The following NECAB2 variants were observed in gnomAD, a reference collection of about 807,000 sequenced individuals.
NECAB2 encodes the protein N-terminal EF-hand calcium binding protein 2.
NECAB2 carries 68 observed loss-of-function variants against 51.9 expected under a neutral mutation model. The ratio of observed to expected loss-of-function variants is 1.31; its 90% CI spans 1.08 to 1.60. NECAB2 has a LOEUF of 1.60. NECAB2 is among the 40% of genes most tolerant of loss of function. NECAB2 has a pLI of 0.00. For synonymous variants in NECAB2, 329 were observed against 203.5 expected, an observed-to-expected ratio of 1.62 and a Z score of -5.25; for missense variants, 854 against 490.3, an observed-to-expected ratio of 1.74 and a Z score of -7.00.
chr16:83,970,984 C>T (rs2084341127), intron 1 of NECAB2, among the ~76,000 whole-genome samples: 1 of 152,060 alleles, frequency 6.6e-6, no homozygotes, highest in African/African-American at 2.4e-5. Context: ...GTCCCAGCTA[C>T]TCGGAAGGCT....
chr16:83,991,523 C>T lies in NECAB2; in HGVS notation c.596+893C>T, dbSNP rs567609049. Among the ~76,000 whole-genome samples, 16 of 151,314 alleles carry T rather than the reference C, an allele frequency of 1.1e-4. No individual in the cohort carries two copies. In the South Asian group the frequency reaches 3.3e-3, roughly 32 times the overall value. On this transcript the variant is annotated intron_variant, in intron 6 of 12. Coordinates refer to ENST00000305202, the MANE Select transcript of NECAB2 (RefSeq NM_019065.3). The stretch of plus-strand genomic sequence containing the variant: ...CTGGGATTACAGATGCCCACCAGCA[C>T]ACCCAGCTAATTTTTGTATTTTTAG...
chr16:83,983,062 T>C (rs1161998800), intron 5 of NECAB2, among the ~76,000 whole-genome samples: 1 of 152,010 alleles, frequency 6.6e-6, no homozygotes, highest in Non-Finnish European at 1.5e-5. Context: ...AGAGACGGGG[T>C]TTCACCATGT....
intron 11 of NECAB2, 117 bp from the exon 12 acceptor site, chr16:84,001,708 A>G (rs925304208): frequency 9.4e-7 from 1 of 1,059,934 alleles, no homozygotes; most frequent in Non-Finnish European, 1.4e-6. Flanking sequence ...GAGTCCAAAG[A>G]CCCCCCGTGC....
chr16:83,998,988 C>G (rs911413053), intron 10 of NECAB2, among the ~76,000 whole-genome samples: 2 of 152,172 alleles, frequency 1.3e-5, no homozygotes, highest in Admixed American at 6.5e-5. Context: ...CCCCCCGTTT[C>G]TGCAGCAAGG....
chr16:84,000,711 T>C lies in NECAB2; in HGVS notation c.963-13T>C, dbSNP rs769975824. The stretch of plus-strand genomic sequence containing the variant: ...AGCTCCAGCCTCCTCCCCCCGACCA[T>C]CTCCTGTTGCAGCATCACTGCCGTG... On this transcript the variant is annotated splice_polypyrimidine_tract_variant and intron_variant, in intron 10 of 12. Transcript: ENST00000305202. 1 of 1,613,506 alleles carries C rather than the reference T, an allele frequency of 6.2e-7. No individual in the cohort carries two copies. The highest frequency in any genetic ancestry group is 1.1e-5 in the South Asian group (1 of 91,064).
At chr16:83,981,389 G>A (rs2084487383) in intron 5 of NECAB2, among the ~76,000 whole-genome samples, 1 of 146,352 alleles carries the variant, frequency 6.8e-6, no homozygotes, top group African/African-American at 2.6e-5. Context: ...AAGGGTGGCC[G>A]CAATCACCCT....
In NECAB2 at chr16:83,994,756, A is replaced by C. The variant is rs937164380; in HGVS notation, c.795+68A>C. 6.4e-6 allele frequency: 10 copies of C among 1,557,990 alleles called. 1 individual carries two copies. The Admixed American group carries it at 1.6e-4, about 25-fold the overall frequency. On this transcript the variant is annotated intron_variant, in intron 8 of 12. Transcript: ENST00000305202. The stretch of plus-strand genomic sequence containing the variant: ...TGAGGGAGTGCAGAGTTAAGCCTGG[A>C]GTTCAGGACAAAAGTCTGGGCTGCA...
Position 83,980,820 on chromosome 16 carries a change from C to CCTCTGT in NECAB2, c.336-16_336-11dup. ...CCCTCTCTGTCTCTGTCTGTCTCTG[C>CCTCTGT]CTCTGTCTGTCTCTGCAGCCATGTG... is the stretch of plus-strand genomic sequence containing the variant. On this transcript the variant is annotated intron_variant, in intron 3 of 12. Transcript: ENST00000305202. 6.4e-7 allele frequency: 1 copy of CCTCTGT among 1,569,354 alleles called. No individual in the cohort carries two copies. The highest frequency in any genetic ancestry group is 8.6e-7 in the Non-Finnish European group (1 of 1,156,654).
At position 83,969,944 on chromosome 16, in the gene NECAB2, G is replaced by A. The variant is rs114005167; in HGVS notation, c.201+1095G>A. On this transcript the variant is annotated intron_variant, in intron 1 of 12. Coordinates refer to ENST00000305202, the MANE Select transcript of NECAB2 (RefSeq NM_019065.3). Reference sequence around the variant, plus strand: ...GGCCGGGGTCTGGGCTGGGAGGGCCGGCCAGAGCAGGGGGAGCTCTAGAGT... The same window carrying A: ...GGCCGGGGTCTGGGCTGGGAGGGCCAGCCAGAGCAGGGGGAGCTCTAGAGT... 2.8e-3 allele frequency among the ~76,000 whole-genome samples: 419 copies of A among 152,288 alleles called. 1 individual carries two copies. The highest frequency in any genetic ancestry group is 9.7e-3 in the African/African-American group (405 of 41,554).
upstream of NECAB2, chr16:83,965,222 A>G (rs999798112): frequency 1.2e-6 from 2 of 1,612,826 alleles, no homozygotes; most frequent in Admixed American, 3.3e-5. Flanking sequence ...CCAGGACTCC[A>G]GCCCCCTCTT....
intron 5 of NECAB2, among the ~76,000 whole-genome samples, 159 bp downstream of exon 5, chr16:83,981,286 G>A (rs965918017): frequency 2.0e-5 from 3 of 152,128 alleles, no homozygotes; most frequent in Admixed American, 2.0e-4. Flanking sequence ...GAGATGAACT[G>A]GGAAGGGAAT....
chr16:83,966,256 G>T (rs2084279076), upstream of NECAB2: 3 of 526,800 alleles, frequency 5.7e-6, no homozygotes, highest in Non-Finnish European at 6.6e-6. Context: ...GGTGTGACCA[G>T]CTGAGCACCC....
intron 5 of NECAB2, among the ~76,000 whole-genome samples, chr16:83,988,330 C>G (rs78147818): frequency 6.6e-6 from 1 of 152,038 alleles, no homozygotes. Context: ...TTGGAATGTA[C>G]AATTCCTAGT....
At chr16:83,969,118 G>A (rs1318409123) in intron 1 of NECAB2, among the ~76,000 whole-genome samples, 1 of 151,524 alleles carries the variant, frequency 6.6e-6, no homozygotes, top group African/African-American at 2.4e-5. Context: ...CCACAGTGGG[G>A]AGCCGTGAGC....
intron 1 of NECAB2, 68 bp downstream of exon 1, chr16:83,968,917 G>A: frequency 1.0e-6 from 1 of 988,646 alleles, no homozygotes; most frequent in Non-Finnish European, 1.2e-6. Context: ...TCCGCCCCTC[G>A]GGCGGACCCC....
intron 9 of NECAB2, among the ~76,000 whole-genome samples, chr16:83,997,478 CCTT>C (rs2084726964): frequency 9.5e-6 from 1 of 105,056 alleles, no homozygotes; most frequent in African/African-American, 3.3e-5. Context: ...GCTCCCTGGA[CCTT>C]TTTTTTTTTT....
At chr16:84,001,648 C>T (rs1034482420) in intron 11 of NECAB2, among the ~76,000 whole-genome samples, 177 bp from the exon 12 acceptor site, 3 of 152,006 alleles carry the variant, frequency 2.0e-5, no homozygotes, top group African/African-American at 7.3e-5. Flanking sequence ...TCACTGCCCA[C>T]CCCAGAGTCA....
At chr16:83,997,677 G>C (rs568216284) in intron 9 of NECAB2, among the ~76,000 whole-genome samples, 2 of 150,824 alleles carry the variant, frequency 1.3e-5, no homozygotes, top group East Asian at 3.9e-4. Flanking sequence ...TTTTAGTAGA[G>C]ACGGACAGGG....
chr16:83,996,985 T>C (rs946148767), intron 8 of NECAB2, among the ~76,000 whole-genome samples: 1 of 150,698 alleles, frequency 6.6e-6, no homozygotes, highest in Non-Finnish European at 1.5e-5. Context: ...CTCAGGCCTC[T>C]GGAGTCCCCC....
Sources: gnomAD v4.1 joint callset for allele counts (sites outside exome capture counted in the v4.1 genomes callset) on GRCh38, gnomAD v4.1.1 for gene constraint, MANE v1.5 for transcripts, NCBI Gene and HGNC (gene_info 2026-07-23, HGNC 2026-07-21) for gene names.